NRDC: variants seen among roughly 807,000 people sequenced by gnomAD.
NRDC encodes nardilysin.
NRDC carries 54 observed loss-of-function variants against 147.1 expected under a neutral mutation model. The ratio of observed to expected loss-of-function variants is 0.37; its 90% confidence interval spans 0.29 to 0.46. The LOEUF is 0.46. Ranked by LOEUF, NRDC falls within the 20% of genes least tolerant of loss-of-function variation. The probability of loss-of-function intolerance (pLI) is 1.00; values close to 1 mark genes in which losing one functional copy is unlikely to be tolerated. For missense variants in NRDC, 1,082 were observed against 1,370.6 expected, an observed-to-expected ratio of 0.79 and a Z score of 3.33; for synonymous variants, 440 against 482.1, an observed-to-expected ratio of 0.91 and a Z score of 1.14.
Position 51,798,570 on chromosome 1 carries a change from A to G in NRDC, c.2442-159T>C, listed in dbSNP as rs1010567192. Reference sequence around the variant, plus strand: ...TGGGAAAACAGTATCAGATTAACCAAAAAAGTACTGAAAACCACATACACA... The same window carrying G: ...TGGGAAAACAGTATCAGATTAACCAGAAAAGTACTGAAAACCACATACACA... On this transcript the variant is annotated intron_variant, in intron 21 of 30. Coordinates refer to ENST00000352171, the MANE Select transcript of NRDC (RefSeq NM_001101662.2). The G allele has an allele frequency of 1.5e-5, 9 of 606,662 alleles. No individual in the cohort carries two copies. In the Admixed American group the frequency reaches 2.9e-4, roughly 20 times the overall value. The allele number at this position is 606,662 out of a possible 1,614,324, so 37.6% of individuals were successfully genotyped here. A position where few individuals can be genotyped will look rare whatever the true frequency, so the allele number is the denominator to read the frequency against.
At chr1:51,830,214 C>T (rs748401707) in intron 4 of NRDC, among the ~76,000 whole-genome samples, 24 of 152,060 alleles carry the variant, frequency 1.6e-4, no homozygotes, top group Non-Finnish European at 3.4e-4. Flanking sequence ...CCACCCGCCT[C>T]GGCCTCCCAA....
rs1026386503 is a variant in NRDC, at chr1:51,797,213, G to T, written c.2604+1036C>A. Among the ~76,000 whole-genome samples, 20 of 151,852 alleles carry T rather than the reference G, an allele frequency of 1.3e-4. No homozygotes were observed. The East Asian group carries it at 3.9e-3, about 30-fold the overall frequency. On this transcript the variant is annotated intron_variant, in intron 22 of 30. Transcript: ENST00000352171. ...GAGACTCTGTCTCAGAAAAAAAAGG[G>T]GTACAGTTCAATAATGTTAACTATA...
rs558117986 is a variant in NRDC at position 51,878,471 on chromosome 1, C to T, written c.145G>A (p.Ala49Thr). 1.9e-6 allele frequency: 3 copies of T among 1,613,960 alleles called. No individual in the cohort carries two copies. Among genetic ancestry groups the T allele is most frequent in the East Asian group, 2.2e-5 (1 of 44,880 alleles). ...SAAARPFPIL[A>T]MPGRNKAKST... ...TTCGCCTTGTTCCTTCCAGGCATGG[C>T]CAGAATAGGAAAGGGTCTGGCAGCA... The change falls in exon 1 of 31, where the codon GCC becomes ACC. Residue 49 changes from alanine (A) to threonine (T), a missense_variant. By Grantham distance (58) the Ala-to-Thr change is moderately conservative (BLOSUM62 0). Around this residue, in one of 3 missense-constraint regions of NRDC, gnomAD observed 260 missense variants for 253.2 expected, o/e 1.03. Coordinates refer to ENST00000352171, the MANE Select transcript of NRDC (RefSeq NM_001101662.2).
intron 6 of NRDC, among the ~76,000 whole-genome samples, chr1:51,824,371 G>T (rs978093169): frequency 1.3e-5 from 2 of 151,896 alleles, no homozygotes; most frequent in Admixed American, 1.3e-4. Context: ...TGATCCACCC[G>T]CCTCGGCCTC....
chr1:51,800,729 TAGGTATTAGGG>T, intron 20 of NRDC, 46 bp from the exon 21 acceptor site: 1 of 1,595,982 alleles, frequency 6.3e-7, no homozygotes. Flanking sequence ...GGAAATCCAC[TAGGTATTAGGG>T]AGGGAAATGT....
chr1:51,794,947 C>A, intron 22 of NRDC, 93 bp from the exon 23 acceptor site: 1 of 1,584,206 alleles, frequency 6.3e-7, no homozygotes, highest in Non-Finnish European at 8.6e-7. Flanking sequence ...GCTTGGGGAG[C>A]CCTGCATAGC....
At chr1:51,794,921 T>A in intron 22 of NRDC, 67 bp from the exon 23 acceptor site, 1 of 1,604,468 alleles carries the variant, frequency 6.2e-7, no homozygotes, top group Non-Finnish European at 8.5e-7. Context: ...AATCAGCTAA[T>A]ATCAATGTTC....
intron 1 of NRDC, among the ~76,000 whole-genome samples, chr1:51,846,583 G>C (rs1190390501): frequency 6.6e-6 from 1 of 152,228 alleles, no homozygotes; most frequent in South Asian, 2.1e-4. Context: ...TGTGTTCAGA[G>C]TTTCTTCCTG....
At position 51,840,458 on chromosome 1, in the gene NRDC, A is replaced by ATAT. The variant is rs2149223118; in HGVS notation, c.395_397dup (p.Asn132dup). The ATAT allele has an allele frequency of 6.2e-7, 1 of 1,612,626 alleles. No individual in the cohort carries two copies. The highest frequency in any genetic ancestry group is 2.2e-5 in the East Asian group (1 of 44,798). Reference sequence around the variant, plus strand: ...TGTTGTATTTCCTGTTTTACCTTCCATATTACTTAGGTCTGAAATCAGAAG... The same window carrying ATAT: ...TGTTGTATTTCCTGTTTTACCTTCCATATTATTACTTAGGTCTGAAATCAGAAG... On this transcript the variant is annotated inframe_insertion, in exon 2 of 31. Coordinates refer to ENST00000352171, the MANE Select transcript of NRDC (RefSeq NM_001101662.2).
chr1:51,791,940 T>C (rs1678677126), intron 26 of NRDC, 106 bp downstream of exon 26: 4 of 1,157,786 alleles, frequency 3.5e-6, no homozygotes, highest in Non-Finnish European at 5.1e-6. Context: ...CCCTATGAGA[T>C]GGAAGGAAGC....
chr1:51,789,828 G>A, intron 29 of NRDC, 171 bp from the exon 30 acceptor site: 1 of 602,768 alleles, frequency 1.7e-6, no homozygotes, highest in Non-Finnish European at 2.9e-6. Flanking sequence ...GAAGCTCTCT[G>A]GCATGCCTTC....
intron 1 of NRDC, among the ~76,000 whole-genome samples, chr1:51,858,059 G>T (rs970614748): frequency 3.3e-5 from 5 of 152,148 alleles, no homozygotes; most frequent in East Asian, 1.9e-4. Flanking sequence ...ACAATGGACC[G>T]TTCCTAATGA....
intron 11 of NRDC, among the ~76,000 whole-genome samples, chr1:51,815,731 T>C (rs1679940604): frequency 1.3e-5 from 2 of 152,222 alleles, no homozygotes; most frequent in African/African-American, 4.8e-5. Flanking sequence ...TCTCATACTA[T>C]TCATTTATAG....
Position 51,790,946 on chromosome 1 carries a change from A to T in NRDC, c.3005T>A (p.Phe1002Tyr), listed in dbSNP as rs916370699. The change falls in exon 28 of 31, where the codon TTT becomes TAT. Residue 1002 changes from phenylalanine to tyrosine, a missense_variant. Around this residue, in one of 3 missense-constraint regions of NRDC, gnomAD observed 187 missense variants for 193.6 expected, o/e 0.97. Coordinates refer to ENST00000352171, the MANE Select transcript of NRDC (RefSeq NM_001101662.2). ...DKKIEEFLSS[F>Y]EEKIENLTEE... ...AGTGAGGTTCTCAATCTTCTCCTCA[A>T]AGCTAGAAAGAAACTCTTCTATCTT... 1.5e-5 allele frequency: 24 copies of T among 1,613,818 alleles called. No homozygotes were observed. Among genetic ancestry groups the T allele is most frequent in the Non-Finnish European group, 2.0e-5 (24 of 1,179,916 alleles).
At chr1:51,791,116 TA>T in intron 27 of NRDC, 126 bp from the exon 28 acceptor site, 1 of 680,914 alleles carries the variant, frequency 1.5e-6, no homozygotes, top group South Asian at 2.0e-5. Flanking sequence ...GAAAAAAAGC[TA>T]AAGTGTTTTC....
intron 10 of NRDC, among the ~76,000 whole-genome samples, chr1:51,817,163 C>T (rs1379548267): frequency 1.3e-5 from 2 of 152,048 alleles, no homozygotes; most frequent in Non-Finnish European, 2.9e-5. Context: ...TCTTGAATGT[C>T]AAGATATGAT....
At chr1:51,805,116 A>C (rs963010328) in intron 19 of NRDC, among the ~76,000 whole-genome samples, 1 of 152,256 alleles carries the variant, frequency 6.6e-6, no homozygotes, top group Non-Finnish European at 1.5e-5. Context: ...CTATCTACAT[A>C]AATATATAAG....
At chr1:51,815,389 G>A (rs975605287) in intron 11 of NRDC, among the ~76,000 whole-genome samples, 2 of 151,992 alleles carry the variant, frequency 1.3e-5, no homozygotes, top group African/African-American at 2.4e-5. Context: ...TACATTGAAT[G>A]TCAAGTGAGT....
At chr1:51,866,279 G>A (rs1250925832) in intron 1 of NRDC, among the ~76,000 whole-genome samples, 3 of 151,950 alleles carry the variant, frequency 2.0e-5, no homozygotes, top group East Asian at 1.9e-4. Context: ...ATGTAAGAAC[G>A]TAAAGAAGCA....
Sources: allele counts gnomAD v4.1 joint callset (sites outside exome capture counted in the v4.1 genomes callset), GRCh38; gene constraint gnomAD v4.1.1; regional missense constraint gnomAD v4.1.1; transcripts MANE v1.5; gene names NCBI Gene and HGNC (gene_info 2026-07-23, HGNC 2026-07-21).